Variants in CYRIB observed in about 807,000 individuals in gnomAD.
CYRIB encodes CYFIP related Rac1 interactor B.
CYRIB carries 8 observed loss-of-function variants against 44.2 expected under a neutral mutation model. The ratio of observed to expected loss-of-function variants is 0.18; its 90% CI spans 0.11 to 0.33. The LOEUF is 0.33. Ranked by LOEUF, CYRIB falls within the 10% of genes least tolerant of loss-of-function variation. The pLI is 1.00. For synonymous variants in CYRIB, 131 were observed against 127.2 expected, an observed-to-expected ratio of 1.03 and a Z score of -0.20; for missense variants, 185 against 382.8, an observed-to-expected ratio of 0.48 and a Z score of 4.31.
chr8:129,997,052 AGGAGGGAG>A (rs753735139), intron 1 of CYRIB, among the ~76,000 whole-genome samples: 2,020 of 96,912 alleles, frequency 0.021, 35 homozygotes, highest in Non-Finnish European at 0.029. Flanking sequence ...GAAGGAAGGA[AGGAGGGAG>A]GGAGGGAGGG....
At chr8:129,921,457 T>C (rs931647102) in intron 1 of CYRIB, among the ~76,000 whole-genome samples, 3 of 152,222 alleles carry the variant, frequency 2.0e-5, no homozygotes, top group African/African-American at 7.2e-5. Context: ...TTTCAAAGTA[T>C]CACCAAACCG....
At position 129,936,586 on chromosome 8, in the gene CYRIB, T is replaced by A. The variant is rs568257453; in HGVS notation, c.-50+3022A>T. On this transcript the variant is annotated intron_variant, in intron 1 of 11. Transcript: ENST00000519824. ...CATGAATGCTGACAAGATACATATA[T>A]CAAGTGCCCATTCTAAGCAAACAAA... Among the ~76,000 whole-genome samples the A allele has an allele frequency of 8.4e-4, 128 of 152,192 alleles. 2 individuals carry two copies. The South Asian group carries it at 0.025, about 30-fold the overall frequency.
intron 1 of CYRIB, among the ~76,000 whole-genome samples, chr8:129,918,817 C>T (rs138742484): frequency 5.5e-4 from 84 of 152,186 alleles, no homozygotes; most frequent in Non-Finnish European, 1.0e-3. Context: ...AAATGCAACC[C>T]GTCTAAAGTT....
In CYRIB at chr8:129,905,986, G is replaced by T. The variant is rs565785987; in HGVS notation, c.-49-2636C>A. On this transcript the variant is annotated intron_variant, in intron 1 of 11. Coordinates refer to ENST00000519824, the Ensembl canonical transcript of CYRIB. ...AATGGAAGAACATTCCATGCTCATG[G>T]ATAGGGGAAAAATCAATATCGTGAA... Among the ~76,000 whole-genome samples the T allele has an allele frequency of 2.0e-5, 3 of 152,090 alleles. No homozygotes were observed. In the South Asian group the frequency reaches 6.2e-4, roughly 32 times the overall value.
At chr8:129,963,680 A>G (rs1370281763) in intron 2 of CYRIB, among the ~76,000 whole-genome samples, 1 of 152,190 alleles carries the variant, frequency 6.6e-6, no homozygotes, top group Non-Finnish European at 1.5e-5. Context: ...TAAAACCATT[A>G]CATCCCACGT....
At chr8:129,893,251 A>G (rs1192871843) in intron 2 of CYRIB, among the ~76,000 whole-genome samples, 1 of 152,222 alleles carries the variant, frequency 6.6e-6, no homozygotes, top group African/African-American at 2.4e-5. Flanking sequence ...CAGTGGTGGT[A>G]GTCGTTTTAA....
upstream of CYRIB, among the ~76,000 whole-genome samples, chr8:129,940,082 C>A (rs570551634): frequency 4.6e-4 from 70 of 152,268 alleles, no homozygotes; most frequent in South Asian, 0.01. Context: ...TCGCAAATAT[C>A]GCGCCGAGAT....
chr8:129,979,103 T>C (rs1332793074), intron 1 of CYRIB, among the ~76,000 whole-genome samples: 3 of 152,104 alleles, frequency 2.0e-5, no homozygotes, highest in African/African-American at 7.2e-5. Context: ...ATCGTGACAC[T>C]GCACTCCAGC....
At chr8:129,879,617 C>A in intron 2 of CYRIB, 146 bp from the exon 5 acceptor site, 1 of 620,194 alleles carries the variant, frequency 1.6e-6, no homozygotes, top group South Asian at 2.1e-5. Flanking sequence ...CTCTGGCAGA[C>A]AGCAAAACGG....
chr8:130,011,653 T>G (rs1441622478), intron 1 of CYRIB, among the ~76,000 whole-genome samples: 1 of 145,924 alleles, frequency 6.9e-6, no homozygotes, highest in Non-Finnish European at 1.5e-5. Context: ...CCATCTCTAC[T>G]AAAAATACAA....
chr8:129,864,217 G>A (rs538458017), intron 4 of CYRIB, among the ~76,000 whole-genome samples: 1 of 152,336 alleles, frequency 6.6e-6, no homozygotes, highest in South Asian at 2.1e-4. Flanking sequence ...TCCTACTTAT[G>A]TCATTAATCT....
intron 1 of CYRIB, among the ~76,000 whole-genome samples, chr8:129,909,790 C>G (rs1432831033): frequency 6.6e-6 from 1 of 152,162 alleles, no homozygotes; most frequent in Non-Finnish European, 1.5e-5. Context: ...TTTAAGAACC[C>G]CAGCAAGCAA....
At chr8:129,989,866 C>T (rs558407057) in intron 1 of CYRIB, among the ~76,000 whole-genome samples, 3 of 145,396 alleles carry the variant, frequency 2.1e-5, no homozygotes, top group Non-Finnish European at 3.0e-5. Flanking sequence ...CAGTGTTCAA[C>T]TCCCACCTAT....
At chr8:130,014,997 C>T (rs2097308883) in intron 1 of CYRIB, among the ~76,000 whole-genome samples, 1 of 152,200 alleles carries the variant, frequency 6.6e-6, no homozygotes, top group South Asian at 2.1e-4. Context: ...AAAATGACGC[C>T]TTCTTTTTAT....
intron 1 of CYRIB, among the ~76,000 whole-genome samples, chr8:129,978,551 A>G (rs2096063396): frequency 6.6e-6 from 1 of 152,226 alleles, no homozygotes; most frequent in Non-Finnish European, 1.5e-5. Context: ...AAATGAATAC[A>G]TTTGGAGGAA....
At chr8:129,844,834 T>C (rs2038856774) in intron 11 of CYRIB, among the ~76,000 whole-genome samples, 3 of 152,250 alleles carry the variant, frequency 2.0e-5, no homozygotes, top group Non-Finnish European at 4.4e-5. Context: ...GTAAAACATA[T>C]TAAAGGCTAG....
intron 5 of CYRIB, among the ~76,000 whole-genome samples, chr8:129,861,198 T>C (rs1169844886): frequency 6.6e-6 from 1 of 152,200 alleles, no homozygotes; most frequent in Non-Finnish European, 1.5e-5. Context: ...CTATTCACTG[T>C]ACAAAATAAA....
intron 5 of CYRIB, among the ~76,000 whole-genome samples, chr8:129,856,533 C>T (rs1454696668): frequency 6.6e-6 from 1 of 152,078 alleles, no homozygotes; most frequent in Non-Finnish European, 1.5e-5. Context: ...CTGCTAGATT[C>T]TGGTCAGAGA....
chr8:130,011,024 A>G (rs2097201451), intron 1 of CYRIB, among the ~76,000 whole-genome samples: 1 of 152,100 alleles, frequency 6.6e-6, no homozygotes, highest in Non-Finnish European at 1.5e-5. Flanking sequence ...TACCACCTAG[A>G]AGCCTCCGGA....
Sources: gnomAD v4.1 joint callset for allele counts (sites outside exome capture counted in the v4.1 genomes callset) on GRCh38, gnomAD v4.1.1 for gene constraint, MANE v1.5 for transcripts, NCBI Gene and HGNC (gene_info 2026-07-23, HGNC 2026-07-21) for gene names.